Variants in MYO16 observed in about 807,000 individuals in gnomAD.
The protein encoded by MYO16 is myosin XVI, also known as unconventional myosin-XVI.
In MYO16, 94 loss-of-function variants were observed where a neutral mutation model predicts 205.3. That is an observed-to-expected ratio of 0.46 (90% CI 0.39 to 0.54). The LOEUF (loss-of-function observed/expected upper bound fraction) is 0.54, where lower values mean the gene tolerates loss of function less well. Among genes scored for constraint, MYO16 ranks in the 20% least tolerant of loss-of-function variants. The probability of loss-of-function intolerance (pLI) is 0.00; values close to 1 mark genes in which losing one functional copy is unlikely to be tolerated. For missense variants in MYO16, 2,315 were observed against 2,387.5 expected (o/e 0.97, Z 0.63); for synonymous variants, 988 against 954.0 (o/e 1.04, Z -0.66).
chr13:108,822,071 G>C (rs1301657601), intron 8 of MYO16, among the ~76,000 whole-genome samples: 1 of 152,084 alleles, frequency 6.6e-6, no homozygotes, highest in African/African-American at 2.4e-5. Context: ...ATAGAGCAGA[G>C]AACAGTAAAC....
intron 10 of MYO16, among the ~76,000 whole-genome samples, chr13:108,849,645 G>C (rs1421169389): frequency 2.1e-5 from 3 of 146,178 alleles, no homozygotes; most frequent in Non-Finnish European, 3.0e-5. Flanking sequence ...GTGTGTGTGT[G>C]TGTGTGTGTG....
intron 6 of MYO16, among the ~76,000 whole-genome samples, chr13:108,806,260 C>A (rs1887109757): frequency 6.6e-6 from 1 of 152,188 alleles, no homozygotes; most frequent in African/African-American, 2.4e-5. Flanking sequence ...ACATTTCCTG[C>A]TTTTAGTTAT....
rs78925485 is a variant in MYO16, at chr13:108,703,105, T to C, written c.293-9556T>C. On this transcript the variant is annotated intron_variant, in intron 2 of 34. Coordinates refer to ENST00000457511, the MANE Select transcript of MYO16 (RefSeq NM_001198950.3). Reference sequence around the variant, plus strand: ...TTATCAGTAATTGCATTAATATAAATGGATTTAATACTCAAAAGGCAGAGA... The same window carrying C: ...TTATCAGTAATTGCATTAATATAAACGGATTTAATACTCAAAAGGCAGAGA... 9.4e-4 allele frequency among the ~76,000 whole-genome samples: 138 copies of C among 146,824 alleles called. 3 individuals are homozygous for C. The East Asian group carries it at 0.024, about 26-fold the overall frequency.
intron 4 of MYO16, among the ~76,000 whole-genome samples, chr13:108,754,991 T>C (rs1441038537): frequency 6.6e-6 from 1 of 152,078 alleles, no homozygotes; most frequent in Non-Finnish European, 1.5e-5. Context: ...GAACATGTGG[T>C]TAATGTCATA....
At chr13:108,579,788 C>T in the MYO16 span, among the ~76,000 whole-genome samples, 1 of 151,934 alleles carries the variant, frequency 6.6e-6, no homozygotes. Context: ...TTTGATATCT[C>T]CAAATTAAGA....
chr13:109,005,114 A>G (rs1885347077), intron 21 of MYO16, among the ~76,000 whole-genome samples: 1 of 152,206 alleles, frequency 6.6e-6, no homozygotes, highest in African/African-American at 2.4e-5. Flanking sequence ...TCCAGTAACC[A>G]CAGAGGGAAT....
At chr13:108,955,792 AG>A (rs1400382740) in intron 16 of MYO16, among the ~76,000 whole-genome samples, 1 of 152,216 alleles carries the variant, frequency 6.6e-6, no homozygotes, top group African/African-American at 2.4e-5. Flanking sequence ...TGAAGGTTGC[AG>A]TGAGCCAAGA....
intron 34 of MYO16, among the ~76,000 whole-genome samples, chr13:109,202,802 A>G (rs1880448550): frequency 6.6e-6 from 1 of 152,214 alleles, no homozygotes; most frequent in African/African-American, 2.4e-5. Context: ...ATTTCAAACT[A>G]TACTATAAGG....
chr13:109,176,268 A>G (rs1027483600), intron 33 of MYO16, among the ~76,000 whole-genome samples: 4 of 125,360 alleles, frequency 3.2e-5, no homozygotes, highest in Non-Finnish European at 4.9e-5. Flanking sequence ...TCATATTTTC[A>G]TATTTTTTCT....
chr13:108,839,404 T>C (rs189681111), intron 9 of MYO16, among the ~76,000 whole-genome samples: 1 of 152,244 alleles, frequency 6.6e-6, no homozygotes, highest in East Asian at 1.9e-4. Context: ...ATTATAAGCC[T>C]TTTCTTTTCA....
At chr13:108,944,388 T>G (rs1400507227) in intron 16 of MYO16, among the ~76,000 whole-genome samples, 2 of 152,216 alleles carry the variant, frequency 1.3e-5, no homozygotes. Context: ...CACTCTCAAC[T>G]GCATTTGATA....
the MYO16 span, among the ~76,000 whole-genome samples, chr13:108,574,040 A>G: frequency 6.6e-6 from 1 of 152,044 alleles, no homozygotes; most frequent in East Asian, 1.9e-4. Flanking sequence ...TTTTGTAAAG[A>G]TGGGGTCTCC....
intron 1 of MYO16, among the ~76,000 whole-genome samples, chr13:108,636,564 GA>G (rs1880262540): frequency 6.6e-6 from 1 of 151,954 alleles, no homozygotes; most frequent in Non-Finnish European, 1.5e-5. Flanking sequence ...ATTTTTAGTA[GA>G]GACAGGGTTT....
At chr13:108,523,434 A>G in the MYO16 span, among the ~76,000 whole-genome samples, 1 of 152,222 alleles carries the variant, frequency 6.6e-6, no homozygotes, top group South Asian at 2.1e-4. Flanking sequence ...CGTTTCTGGC[A>G]GTAGCATCTT....
chr13:109,005,799 G>C (rs1885368394), intron 21 of MYO16, among the ~76,000 whole-genome samples: 1 of 152,144 alleles, frequency 6.6e-6, no homozygotes, highest in African/African-American at 2.4e-5. Flanking sequence ...TCACACCAAT[G>C]TTCTGCTCTT....
the MYO16 span, among the ~76,000 whole-genome samples, chr13:108,498,201 A>C: frequency 6.6e-6 from 1 of 152,228 alleles, no homozygotes; most frequent in African/African-American, 2.4e-5. Flanking sequence ...AATCCAGGCC[A>C]ATAAAAACAC....
Position 109,005,150 on chromosome 13 carries a change from A to C in MYO16, c.2443-3747A>C, listed in dbSNP as rs567429355. On this transcript the variant is annotated intron_variant, in intron 21 of 34. Coordinates refer to ENST00000457511, the MANE Select transcript of MYO16 (RefSeq NM_001198950.3). ...GCTGGGGGAAGAAGACGATACCAGGAGAGTCTCCTGGTTTATACAAATCCT... is the reference window on the plus strand; with the variant it reads ...GCTGGGGGAAGAAGACGATACCAGGCGAGTCTCCTGGTTTATACAAATCCT... 9.8e-5 allele frequency among the ~76,000 whole-genome samples: 15 copies of C among 152,314 alleles called. No homozygotes were observed. In the South Asian group the frequency reaches 2.7e-3, roughly 27 times the overall value.
chr13:108,630,384 C>T (rs1048811294), intron 1 of MYO16, among the ~76,000 whole-genome samples: 2 of 152,182 alleles, frequency 1.3e-5, no homozygotes, highest in African/African-American at 4.8e-5. Flanking sequence ...CCTTGCGGTG[C>T]TTAGGGACTC....
At chr13:109,019,557 G>C (rs754272877) in intron 22 of MYO16, among the ~76,000 whole-genome samples, 154 bp from the exon 23 acceptor site, 3 of 152,006 alleles carry the variant, frequency 2.0e-5, no homozygotes, top group African/African-American at 4.8e-5. Flanking sequence ...TAGGTGGTGG[G>C]GTAGAAATAG....
Sources: gnomAD v4.1 joint callset for allele counts (sites outside exome capture counted in the v4.1 genomes callset) on GRCh38, gnomAD v4.1.1 for gene constraint, MANE v1.5 for transcripts, NCBI Gene and HGNC (gene_info 2026-07-23, HGNC 2026-07-21) for gene names.